MAP2K5: variants seen among roughly 807,000 people sequenced by gnomAD.
The protein encoded by MAP2K5 is mitogen-activated protein kinase kinase 5.
MAP2K5 carries 49 observed loss-of-function variants against 83.1 expected under a neutral mutation model. The ratio of observed to expected loss-of-function variants is 0.59; its 90% CI spans 0.47 to 0.75. The LOEUF (loss-of-function observed/expected upper bound fraction) is 0.75. MAP2K5 is among the 30% of genes least tolerant of loss of function. The pLI is 0.00. For synonymous variants in MAP2K5, 202 were observed against 191.8 expected (o/e 1.05, Z -0.44); for missense variants, 457 against 557.5 (o/e 0.82, Z 1.82).
chr15:67,578,722 G>T (rs1447676256), intron 3 of MAP2K5, among the ~76,000 whole-genome samples: 1 of 151,804 alleles, frequency 6.6e-6, no homozygotes, highest in African/African-American at 2.4e-5. Context: ...AGTTGATTTG[G>T]CACAGACCTA....
At chr15:67,787,526 A>G (rs572503035) in intron 21 of MAP2K5, among the ~76,000 whole-genome samples, 1 of 152,224 alleles carries the variant, frequency 6.6e-6, no homozygotes, top group South Asian at 2.1e-4. Context: ...CCTTCTTCTA[A>G]TGAGGTTATG....
chr15:67,794,090 AG>A lies in MAP2K5; in HGVS notation c.1243-12555del, dbSNP rs2090563785. Among the ~76,000 whole-genome samples, 1 of 152,358 alleles carries A rather than the reference AG, an allele frequency of 6.6e-6. No homozygotes were observed. Among genetic ancestry groups the A allele is most frequent in the African/African-American group, 2.4e-5 (1 of 41,590 alleles). On this transcript the variant is annotated intron_variant, in intron 21 of 21. Coordinates refer to ENST00000178640, the MANE Select transcript of MAP2K5 (RefSeq NM_145160.3). This position sits in a 1 kb window ranked among gnomAD's most constrained non-coding sequence, Gnocchi z 4.6. ...ATGAGGCTCTGCAGTGAAGGTGGCCAGCTTATTTGTAACCAAAGTGTGCTCC... is the reference window on the plus strand; with the variant it reads ...ATGAGGCTCTGCAGTGAAGGTGGCCACTTATTTGTAACCAAAGTGTGCTCC...
At chr15:67,671,032 C>A (rs2087520223) in intron 13 of MAP2K5, among the ~76,000 whole-genome samples, 2 of 152,236 alleles carry the variant, frequency 1.3e-5, no homozygotes, top group South Asian at 4.1e-4. Flanking sequence ...GTCCTACTGA[C>A]TGACTGCCTC....
At chr15:67,657,869 C>G (rs1052008505) in intron 11 of MAP2K5, among the ~76,000 whole-genome samples, 1 of 151,962 alleles carries the variant, frequency 6.6e-6, no homozygotes, top group African/African-American at 2.4e-5. Flanking sequence ...AAAATATTCA[C>G]ATTTGCATTT....
intron 12 of MAP2K5, 160 bp downstream of exon 12, chr15:67,658,774 A>C (rs1567341403): frequency 3.0e-6 from 2 of 668,114 alleles, no homozygotes; most frequent in Non-Finnish European, 5.5e-6. Context: ...TTCATAGACC[A>C]GCCCACCCAA....
intron 17 of MAP2K5, among the ~76,000 whole-genome samples, chr15:67,742,178 A>ACTGCG (rs2141266142): frequency 6.6e-6 from 1 of 152,388 alleles, no homozygotes; most frequent in Admixed American, 6.5e-5. Flanking sequence ...GGCGTGAGCC[A>ACTGCG]CTGCGCCCGG....
chr15:67,594,366 A>G, intron 7 of MAP2K5, among the ~76,000 whole-genome samples: 1 of 152,292 alleles, frequency 6.6e-6, no homozygotes, highest in African/African-American at 2.4e-5. Flanking sequence ...TGTATCTTCA[A>G]CATGCTTGCA....
intron 12 of MAP2K5, among the ~76,000 whole-genome samples, chr15:67,662,015 G>A (rs185520795): frequency 1.3e-5 from 2 of 151,878 alleles, no homozygotes; most frequent in African/African-American, 4.8e-5. Context: ...TTGTCTTCCT[G>A]TCCAGAATAC....
chr15:67,693,436 T>C, intron 14 of MAP2K5, 82 bp from the exon 15 acceptor site: 1 of 1,053,868 alleles, frequency 9.5e-7, no homozygotes, highest in Non-Finnish European at 1.5e-6. Context: ...TGAATGATGA[T>C]TGTAGGTTAA....
intron 17 of MAP2K5, among the ~76,000 whole-genome samples, chr15:67,731,366 A>T (rs569050608): frequency 6.6e-6 from 1 of 152,292 alleles, no homozygotes; most frequent in African/African-American, 2.4e-5. Context: ...CATAAAGGTT[A>T]AAGGGCTGGG....
rs1009922089 is a variant in MAP2K5, at chr15:67,746,130, T to C, written c.1075-2101T>C. Among the ~76,000 whole-genome samples the C allele has an allele frequency of 2.6e-5, 4 of 152,178 alleles. No homozygotes were observed. Among genetic ancestry groups the C allele is most frequent in the Admixed American group, 6.5e-5 (1 of 15,280 alleles). On this transcript the variant is annotated intron_variant, in intron 17 of 21. Transcript: ENST00000178640. This position sits in a 1 kb window ranked among gnomAD's most constrained non-coding sequence, Gnocchi z 4.1. Reference sequence around the variant, plus strand: ...TAGACTAAGCTTTTAACCTGCAAAATAGGGCAAACTAGAGACTTTAAGACC... The same window carrying C: ...TAGACTAAGCTTTTAACCTGCAAAACAGGGCAAACTAGAGACTTTAAGACC...
At chr15:67,772,557 G>T in intron 20 of MAP2K5, 150 bp from the exon 21 acceptor site, 2 of 436,416 alleles carry the variant, frequency 4.6e-6, no homozygotes, top group South Asian at 8.9e-5. Flanking sequence ...ATAAAAGAAA[G>T]GGAATATATG....
chr15:67,754,024 A>C (rs1245794498), intron 19 of MAP2K5, among the ~76,000 whole-genome samples: 1 of 152,234 alleles, frequency 6.6e-6, no homozygotes, highest in African/African-American at 2.4e-5. Context: ...TACCTTGAAA[A>C]CATGCTAAAT....
At chr15:67,678,565 A>C (rs2087736094) in intron 13 of MAP2K5, among the ~76,000 whole-genome samples, 1 of 152,246 alleles carries the variant, frequency 6.6e-6, no homozygotes, top group Non-Finnish European at 1.5e-5. Context: ...ACAGCACCTG[A>C]TGTGAATAGG....
Position 67,764,739 on chromosome 15 carries a change from C to T in MAP2K5, c.1135-4863C>T, listed in dbSNP as rs2090010498. On this transcript the variant is annotated intron_variant, in intron 19 of 21. Transcript: ENST00000178640. The surrounding 1 kb of genome is among the most constrained non-coding windows in gnomAD (Gnocchi z 4.9). ...ATGCCTTATCAGTGTCTGAATTAACCACCACATTATTGTCAGGTCCCCCTG... is the reference window on the plus strand; with the variant it reads ...ATGCCTTATCAGTGTCTGAATTAACTACCACATTATTGTCAGGTCCCCCTG... Among the ~76,000 whole-genome samples the T allele has an allele frequency of 6.6e-6, 1 of 152,088 alleles. No homozygotes were observed. The highest frequency in any genetic ancestry group is 2.4e-5 in the African/African-American group (1 of 41,412).
In MAP2K5 at chr15:67,794,614, G is replaced by A. The variant is rs558195759; in HGVS notation, c.1243-12032G>A. Among the ~76,000 whole-genome samples the A allele has an allele frequency of 1.4e-5, 2 of 145,940 alleles. No homozygotes were observed. The highest frequency in any genetic ancestry group is 3.0e-5 in the Non-Finnish European group (2 of 67,324). On this transcript the variant is annotated intron_variant, in intron 21 of 21. Transcript: ENST00000178640. The surrounding 1 kb of genome is among the most constrained non-coding windows in gnomAD (Gnocchi z 4.6). Reference sequence around the variant, plus strand: ...TCAGCAGCCCATTCCACTGAGGGTCGGGTAACTCTGGAACATCACAGCTGA... The same window carrying A: ...TCAGCAGCCCATTCCACTGAGGGTCAGGTAACTCTGGAACATCACAGCTGA...
chr15:67,689,695 CCTTGT>C (rs541703472), intron 13 of MAP2K5, among the ~76,000 whole-genome samples: 100 of 152,252 alleles, frequency 6.6e-4, no homozygotes, highest in African/African-American at 2.4e-3. Flanking sequence ...CTTATTTACA[CCTTGT>C]CTTTTGGAAT....
At chr15:67,662,539 T>C (rs1459062334) in intron 12 of MAP2K5, among the ~76,000 whole-genome samples, 2 of 152,152 alleles carry the variant, frequency 1.3e-5, no homozygotes, top group African/African-American at 4.8e-5. Context: ...AACCTTGAAA[T>C]TGGTAAGTTC....
In MAP2K5 at chr15:67,770,952, T is replaced by C. The variant is rs998252416; in HGVS notation, c.1196+1289T>C. On this transcript the variant is annotated intron_variant, in intron 20 of 21. Coordinates refer to ENST00000178640, the MANE Select transcript of MAP2K5 (RefSeq NM_145160.3). The surrounding 1 kb of genome is among the most constrained non-coding windows in gnomAD (Gnocchi z 5.0). ...ATAATATTGTGTAGCTTTTAAAAACTATTTTTACTCTGAAAACATTTTATT... is the reference window on the plus strand; with the variant it reads ...ATAATATTGTGTAGCTTTTAAAAACCATTTTTACTCTGAAAACATTTTATT... Among the ~76,000 whole-genome samples, 1 of 152,184 alleles carries C rather than the reference T, an allele frequency of 6.6e-6. No homozygotes were observed. The highest frequency in any genetic ancestry group is 2.4e-5 in the African/African-American group (1 of 41,432).
Sources: gnomAD v4.1 joint callset for allele counts (sites outside exome capture counted in the v4.1 genomes callset) on GRCh38, gnomAD v4.1.1 for gene constraint, Gnocchi (gnomAD v3.1) non-coding constraint, MANE v1.5 for transcripts, NCBI Gene and HGNC (gene_info 2026-07-23, HGNC 2026-07-21) for gene names.